SP140: variants seen among roughly 807,000 people sequenced by gnomAD.
SP140 encodes nuclear body protein SP140.
Under a neutral mutation model 125.0 loss-of-function variants are expected in SP140, and 81 were observed. The ratio of observed to expected loss-of-function variants is 0.65; its 90% CI spans 0.54 to 0.78. The LOEUF is 0.78. SP140 is among the 30% of genes least tolerant of loss of function. The pLI is 0.00. For synonymous variants in SP140, 312 were observed against 354.0 expected, an observed-to-expected ratio of 0.88 and a Z score of 1.33; for missense variants, 858 against 1,037.0, an observed-to-expected ratio of 0.83 and a Z score of 2.37.
chr2:230,300,972 G>T (rs1431018761), intron 22 of SP140, among the ~76,000 whole-genome samples: 2 of 152,118 alleles, frequency 1.3e-5, no homozygotes, highest in Non-Finnish European at 2.9e-5. Context: ...CACAACTTCT[G>T]GAAGTGAAAG....
chr2:230,217,562 T>C (rs560692450), intron 3 of SP140, among the ~76,000 whole-genome samples: 3 of 152,356 alleles, frequency 2.0e-5, no homozygotes, highest in African/African-American at 2.4e-5. Context: ...GGGTTTCATA[T>C]GCAGTAACTT....
intron 16 of SP140, 115 bp from the exon 17 acceptor site, chr2:230,285,637 C>A: frequency 1.3e-5 from 11 of 826,022 alleles, no homozygotes; most frequent in Non-Finnish European, 2.0e-5. Flanking sequence ...GCTCTGGACA[C>A]CTGCTCGAGG....
chr2:230,276,992 G>T (rs2054807443), intron 15 of SP140, among the ~76,000 whole-genome samples: 1 of 152,144 alleles, frequency 6.6e-6, no homozygotes, highest in African/African-American at 2.4e-5. Context: ...TGCTTCTTAA[G>T]AATGAGCAAA....
In SP140 at chr2:230,305,800, G is replaced by A. The variant is rs116909600; in HGVS notation, c.2059-4124G>A. ...ACCCTGCCCACAGCGCCAGGTTCCC[G>A]CCCCTCACAGGAGGCTGAACAAAGG... is the stretch of plus-strand genomic sequence containing the variant. On this transcript the variant is annotated intron_variant, in intron 22 of 26. Coordinates refer to ENST00000392045, the MANE Select transcript of SP140 (RefSeq NM_007237.5). Among the ~76,000 whole-genome samples the A allele has an allele frequency of 2.2e-4, 33 of 152,266 alleles. 1 individual carries two copies. In the East Asian group the frequency reaches 5.6e-3, roughly 26 times the overall value.
intron 1 of SP140, among the ~76,000 whole-genome samples, chr2:230,210,617 C>T (rs968556519): frequency 6.6e-6 from 1 of 152,188 alleles, no homozygotes; most frequent in African/African-American, 2.4e-5. Context: ...CCTGTGCTTG[C>T]TAGCACCTGT....
the SP140 span, among the ~76,000 whole-genome samples, chr2:230,188,918 C>A: frequency 5.3e-5 from 8 of 151,932 alleles, no homozygotes; most frequent in Non-Finnish European, 8.8e-5. Context: ...CTATTTATTC[C>A]CAATTTAATC....
intron 3 of SP140, chr2:230,238,616 C>A (rs1004989790): frequency 1.2e-6 from 1 of 811,266 alleles, no homozygotes; most frequent in Non-Finnish European, 1.9e-6. Context: ...TCAGCCAGGA[C>A]TTGATTTTGA....
At chr2:230,228,492 G>C (rs1439902692) in intron 1 of SP140, among the ~76,000 whole-genome samples, 1 of 152,148 alleles carries the variant, frequency 6.6e-6, no homozygotes, top group Non-Finnish European at 1.5e-5. Context: ...AAGTGTTGAA[G>C]CCTTCAATAA....
At chr2:230,212,288 G>A (rs1015250346) in intron 1 of SP140, 24 of 1,255,798 alleles carry the variant, frequency 1.9e-5, no homozygotes, top group Middle Eastern at 3.9e-4. Context: ...GTTGGCAGAC[G>A]CATGTTCTCC....
chr2:230,288,177 C>T, intron 18 of SP140: 1 of 473,978 alleles, frequency 2.1e-6, no homozygotes, highest in South Asian at 3.7e-5. Context: ...ATCCCAGGGG[C>T]CCAGGGGCCA....
At chr2:230,243,952 C>T in intron 5 of SP140, 141 bp downstream of exon 5, 1 of 567,010 alleles carries the variant, frequency 1.8e-6, no homozygotes, top group Non-Finnish European at 3.2e-6. Flanking sequence ...TATAATTCTG[C>T]TAAATTTTCC....
chr2:230,263,730 G>A (rs957737944), intron 12 of SP140, among the ~76,000 whole-genome samples: 1 of 152,154 alleles, frequency 6.6e-6, no homozygotes, highest in African/African-American at 2.4e-5. Context: ...CGTATATGAT[G>A]CTTAGTTTTG....
At chr2:230,225,571 T>G, upstream of SP140, 1 of 526,368 alleles carries the variant, frequency 1.9e-6, no homozygotes, top group Non-Finnish European at 3.4e-6. Flanking sequence ...TTGAATGACT[T>G]TTCCACCCTC....
rs532300883 is a variant in SP140, at chr2:230,295,901, A to G, written c.2017-1520A>G. ...TCACCCACTCAACATATAATTATCA[A>G]GCACACACTAAATGCCAATGGACAT... On this transcript the variant is annotated intron_variant, in intron 21 of 26. Coordinates refer to ENST00000392045, the MANE Select transcript of SP140 (RefSeq NM_007237.5). Among the ~76,000 whole-genome samples the G allele has an allele frequency of 7.2e-5, 11 of 152,340 alleles. No homozygotes were observed. The South Asian group carries it at 2.3e-3, about 32-fold the overall frequency.
chr2:230,226,608 C>T (rs1441575427), intron 1 of SP140, among the ~76,000 whole-genome samples: 2 of 151,662 alleles, frequency 1.3e-5, no homozygotes, highest in Non-Finnish European at 2.9e-5. Context: ...ACTAAAAATA[C>T]AAAATTAGCT....
chr2:230,206,175 A>G (rs770213429), intron 1 of SP140, among the ~76,000 whole-genome samples: 10 of 152,170 alleles, frequency 6.6e-5, no homozygotes, highest in Non-Finnish European at 1.5e-5. Context: ...TTAGGCTGCC[A>G]TCTATTGCTC....
At chr2:230,244,502 CT>C (rs1291160940) in intron 5 of SP140, among the ~76,000 whole-genome samples, 1 of 152,102 alleles carries the variant, frequency 6.6e-6, no homozygotes, top group East Asian at 1.9e-4. Context: ...CCTGCAGGTT[CT>C]TAGGGGAGTG....
At chr2:230,285,160 CT>C (rs1485944601) in intron 16 of SP140, among the ~76,000 whole-genome samples, 15 of 152,232 alleles carry the variant, frequency 9.9e-5, no homozygotes, top group African/African-American at 3.6e-4. Flanking sequence ...ATTTTATTTT[CT>C]GAATTTCCTG....
chr2:230,186,392 C>G, the SP140 span, among the ~76,000 whole-genome samples: 1 of 152,106 alleles, frequency 6.6e-6, no homozygotes. Context: ...GTCTTGCTCA[C>G]TGCTGAGTTC....
Sources: allele counts gnomAD v4.1 joint callset (sites outside exome capture counted in the v4.1 genomes callset), GRCh38; gene constraint gnomAD v4.1.1; transcripts MANE v1.5; gene names NCBI Gene and HGNC (gene_info 2026-07-23, HGNC 2026-07-21).